Variants in RBM41 observed in about 807,000 individuals in gnomAD.
The protein encoded by RBM41 is RNA-binding protein 41.
A neutral mutation model predicts 30.8 loss-of-function variants in RBM41; 14 were observed. The observed-to-expected ratio is 0.45, with a 90% CI of 0.30 to 0.71. The LOEUF is 0.71. Among genes scored for constraint, RBM41 ranks in the 30% least tolerant of loss-of-function variants. The probability of loss-of-function intolerance (pLI) is 0.08; values close to 1 mark genes in which losing one functional copy is unlikely to be tolerated. For missense variants in RBM41, 276 were observed against 326.3 expected, an observed-to-expected ratio of 0.85 and a Z score of 1.19; for synonymous variants, 120 against 110.1, an observed-to-expected ratio of 1.09 and a Z score of -0.56.
chrX:107,098,938 T>C (rs1923214986), intron 5 of RBM41, among the ~76,000 whole-genome samples: 1 of 109,614 alleles, frequency 9.1e-6, no homozygotes. Context: ...GAGGCGGAGG[T>C]TGCAGTGAAC....
chrX:107,068,581 T>A (rs968142772), intron 7 of RBM41, among the ~76,000 whole-genome samples: 5 of 111,395 alleles, frequency 4.5e-5, no homozygotes, highest in African/African-American at 1.6e-4. Flanking sequence ...GATACAAGAC[T>A]GTATGAAAAC....
intron 5 of RBM41, among the ~76,000 whole-genome samples, chrX:107,109,321 T>C (rs773057451): frequency 8.9e-6 from 1 of 111,822 alleles, no homozygotes; most frequent in African/African-American, 3.2e-5. Context: ...ATTGAAATAA[T>C]TGATTAAAAA....
Position 107,066,885 on chromosome X carries a change from G to A in RBM41, c.*642C>T, listed in dbSNP as rs915806377. 1.2e-5 allele frequency: 9 copies of A among 735,856 alleles called. No homozygotes were observed. The highest frequency in any genetic ancestry group is 1.4e-5 in the Non-Finnish European group (9 of 624,138). The allele number at this position is 735,856 out of a possible 1,213,427, so 60.6% of individuals were successfully genotyped here. Reference sequence around the variant, plus strand: ...ATGAATTCAATGATACTCAATGGTTGCTAGCTTAAATGGCTGTGAGAACAC... The same window carrying A: ...ATGAATTCAATGATACTCAATGGTTACTAGCTTAAATGGCTGTGAGAACAC... On this transcript the variant is annotated 3_prime_UTR_variant, in exon 8 of 8. Coordinates refer to ENST00000685964, the MANE Select transcript of RBM41 (RefSeq NM_001324242.2).
intron 5 of RBM41, among the ~76,000 whole-genome samples, chrX:107,100,327 A>G (rs1445456214): frequency 9.1e-6 from 1 of 110,456 alleles, no homozygotes; most frequent in African/African-American, 3.3e-5. Flanking sequence ...TCTAGTCTGT[A>G]CTAAAAATAT....
At chrX:107,106,189 G>C (rs1285548) in intron 5 of RBM41, among the ~76,000 whole-genome samples, 5,965 of 110,634 alleles carry the variant, frequency 0.054, 428 homozygotes, top group African/African-American at 0.19. Flanking sequence ...ACAAACAACC[G>C]CATCAAAAAG....
chrX:107,094,683 G>A (rs1922819336), intron 5 of RBM41, among the ~76,000 whole-genome samples: 2 of 111,456 alleles, frequency 1.8e-5, no homozygotes, highest in South Asian at 7.6e-4. Flanking sequence ...TCTGGATTAT[G>A]CAGGTGGGAC....
At chrX:107,077,995 A>C (rs982448137) in intron 6 of RBM41, among the ~76,000 whole-genome samples, 3 of 111,572 alleles carry the variant, frequency 2.7e-5, no homozygotes, top group African/African-American at 9.8e-5. Context: ...TATTAACTAA[A>C]GTCCACAGTT....
At chrX:107,083,524 C>T (rs1478203386) in intron 6 of RBM41, among the ~76,000 whole-genome samples, 1 of 111,124 alleles carries the variant, frequency 9.0e-6, no homozygotes, top group Non-Finnish European at 1.9e-5. Flanking sequence ...TTTTGGTATT[C>T]CAATAACATG....
chrX:107,110,666 G>A (rs1274525560), intron 5 of RBM41, among the ~76,000 whole-genome samples: 2 of 111,225 alleles, frequency 1.8e-5, no homozygotes, highest in Non-Finnish European at 3.8e-5. Flanking sequence ...CAAAGTTGGA[G>A]TTCTCACACT....
In RBM41 at chrX:107,068,502, C is replaced by T. The variant is rs779671002; in HGVS notation, c.1147+753G>A. Among the ~76,000 whole-genome samples the T allele has an allele frequency of 1.1e-3, 120 of 111,368 alleles. 2 individuals carry two copies. Among genetic ancestry groups the T allele is most frequent in the Middle Eastern group, 4.6e-3 (1 of 216 alleles). The stretch of plus-strand genomic sequence containing the variant: ...CGGTTTTTTAAATTTAAAAGGGGTT[C>T]TTACACTTGAAAAGACTGAAAACCA... On this transcript the variant is annotated intron_variant, in intron 7 of 7. Transcript: ENST00000685964.
chrX:107,060,808 AGTAAT>A (rs1194095273), downstream of RBM41, among the ~76,000 whole-genome samples: 3 of 111,433 alleles, frequency 2.7e-5, no homozygotes, highest in African/African-American at 9.8e-5. Flanking sequence ...GAAGGTATTT[AGTAAT>A]TGTAAAGAGG....
At position 107,108,027 on chromosome X, in the gene RBM41, T is replaced by C. The variant is rs143455000; in HGVS notation, c.595+5370A>G. On this transcript the variant is annotated intron_variant, in intron 5 of 7. Transcript: ENST00000685964. Reference sequence around the variant, plus strand: ...CTCCAGAAAAGTTTGTCTCGAGATATAGTAAAATCACACTTAATAAACCAA... The same window carrying C: ...CTCCAGAAAAGTTTGTCTCGAGATACAGTAAAATCACACTTAATAAACCAA... Among the ~76,000 whole-genome samples, 42 of 111,669 alleles carry C rather than the reference T, an allele frequency of 3.8e-4. No homozygotes were observed. The East Asian group carries it at 0.011, about 29-fold the overall frequency.
At chrX:107,113,266 G>A (rs1924639843) in intron 5 of RBM41, 131 bp downstream of exon 5, 1 of 790,947 alleles carries the variant, frequency 1.3e-6, no homozygotes, top group Non-Finnish European at 1.6e-6. Flanking sequence ...TTCTGTATCA[G>A]GATAATATGC....
intron 5 of RBM41, among the ~76,000 whole-genome samples, chrX:107,099,925 T>G (rs1320142855): frequency 8.9e-6 from 1 of 111,962 alleles, no homozygotes; most frequent in Non-Finnish European, 1.9e-5. Flanking sequence ...AGATACACAA[T>G]TAAGTATTTA....
In RBM41 at chrX:107,088,740, A is replaced by G. The variant is rs1413172396; in HGVS notation, c.695T>C (p.Met232Thr). 4 of 1,211,472 alleles carry G rather than the reference A, an allele frequency of 3.3e-6. No homozygotes were observed. The highest frequency in any genetic ancestry group is 3.5e-5 in the African/African-American group (2 of 57,657). Residue 232 changes from methionine to threonine, a missense_variant, in exon 6 of 8, where the codon ATG becomes ACG. Coordinates refer to ENST00000685964, the MANE Select transcript of RBM41 (RefSeq NM_001324242.2). ...MKKRLEEFQL[M>T]RGEPFASHSL... is the part of the protein sequence containing the mutation. Reference sequence around the variant, plus strand: ...GTGGGAAGCAAAGGGTTCACCTCTCATAAGTTGAAACTCTTCAAGACGTTT... The same window carrying G: ...GTGGGAAGCAAAGGGTTCACCTCTCGTAAGTTGAAACTCTTCAAGACGTTT...
Position 107,063,952 on chromosome X carries a change from CTTTTTTTTT to C in RBM41, c.*3566_*3574del, listed in dbSNP as rs1202676973. On this transcript the variant is annotated 3_prime_UTR_variant, in exon 8 of 8. Transcript: ENST00000685964. Reference sequence around the variant, plus strand: ...AGGTTAGTGCTATGGTCTTTCTTTTCTTTTTTTTTTTTTTTTTGAGATGGAGTCTCGCTC... The same window carrying C: ...AGGTTAGTGCTATGGTCTTTCTTTTCTTTTTTTTGAGATGGAGTCTCGCTC... Among the ~76,000 whole-genome samples, 3 of 90,915 alleles carry C rather than the reference CTTTTTTTTT, an allele frequency of 3.3e-5. No individual in the cohort carries two copies. The highest frequency in any genetic ancestry group is 3.4e-4 in the East Asian group (1 of 2,967). 78.9% of individuals were successfully genotyped at this position (90,915 alleles called of 115,157 possible).
chrX:107,091,940 C>A (rs1433279455), intron 5 of RBM41, among the ~76,000 whole-genome samples: 1 of 111,611 alleles, frequency 9.0e-6, no homozygotes, highest in East Asian at 2.8e-4. Context: ...GGTCTTATAT[C>A]TAGTCTCATA....
chrX:107,056,987 C>A (rs1398176606), downstream of RBM41, among the ~76,000 whole-genome samples: 5 of 108,993 alleles, frequency 4.6e-5, no homozygotes, highest in Admixed American at 4.9e-4. Flanking sequence ...CCCACCTCAG[C>A]CCCCTAAGTA....
At chrX:107,083,172 ATT>A (rs199711772) in intron 6 of RBM41, among the ~76,000 whole-genome samples, 20 of 96,373 alleles carry the variant, frequency 2.1e-4, no homozygotes, top group African/African-American at 5.5e-4. Flanking sequence ...CTTTTGAAGG[ATT>A]TTTTTTTTTT....
Sources: gnomAD v4.1 joint callset for allele counts (sites outside exome capture counted in the v4.1 genomes callset) on GRCh38, gnomAD v4.1.1 for gene constraint, MANE v1.5 for transcripts, NCBI Gene and HGNC (gene_info 2026-07-23, HGNC 2026-07-21) for gene names.